Variants in GAD1 observed in about 807,000 individuals in gnomAD.
GAD1 encodes the protein glutamate decarboxylase 1.
A neutral mutation model predicts 75.2 loss-of-function variants in GAD1; 35 were observed. The ratio of observed to expected loss-of-function variants is 0.47; its 90% CI spans 0.36 to 0.62. GAD1 has a LOEUF of 0.62. Ranked by LOEUF, GAD1 falls within the 20% of genes least tolerant of loss-of-function variation. The pLI is 0.00. For synonymous variants in GAD1, 257 were observed against 271.9 expected (o/e 0.95, Z 0.54); for missense variants, 490 against 758.5 (o/e 0.65, Z 4.16).
chr2:170,834,780 T>C (rs1008112215), intron 5 of GAD1, among the ~76,000 whole-genome samples: 5 of 151,644 alleles, frequency 3.3e-5, no homozygotes, highest in African/African-American at 1.2e-4. Context: ...TTTTTTTTTT[T>C]TTGAGATGGA....
chr2:170,844,298 A>C, intron 7 of GAD1, 141 bp downstream of exon 7: 1 of 688,478 alleles, frequency 1.5e-6, no homozygotes, highest in East Asian at 2.7e-5. Context: ...AAGGCTAACA[A>C]AAATGCTACA....
Position 170,859,719 on chromosome 2 carries a change from A to G in GAD1, c.1622A>G (p.Lys541Arg), listed in dbSNP as rs1702920675. 2 of 1,614,076 alleles carry G rather than the reference A, an allele frequency of 1.2e-6. No individual in the cohort carries two copies. Among genetic ancestry groups the G allele is most frequent in the African/African-American group, 2.7e-5 (2 of 74,942 alleles). Residue 541 changes from lysine to arginine, a missense_variant, in exon 17 of 17, where the codon AAA becomes AGA. By Grantham distance (26) the Lys-to-Arg change is conservative. Coordinates refer to ENST00000358196, the MANE Select transcript of GAD1 (RefSeq NM_000817.3). ...GTTTTCCATCACAAGGTGGCTCCAA[A>G]AATCAAAGCCCTGATGATGGAGTCA... ...RREKLHKVAP[K>R]IKALMMESGT...
upstream of GAD1, chr2:170,813,358 A>C (rs1701643793): frequency 6.6e-6 from 1 of 152,216 alleles, no homozygotes; most frequent in Non-Finnish European, 1.5e-5. Context: ...GCTCCGACTT[A>C]AGCAGAATGA....
chr2:170,818,500 C>A lies in GAD1; in HGVS notation c.-63-29C>A. ...CGGTGTGCAGGACCCCGGAAGTCCT[C>A]CCCGCACAGCTCTCGCTTCTCTTTG... On this transcript the variant is annotated intron_variant, in intron 1 of 16. Coordinates refer to ENST00000358196, the MANE Select transcript of GAD1 (RefSeq NM_000817.3). The surrounding 1 kb of genome is among the most constrained non-coding windows in gnomAD (Gnocchi z 5.9). The A allele has an allele frequency of 1.6e-6, 2 of 1,230,254 alleles. No homozygotes were observed. The highest frequency in any genetic ancestry group is 1.2e-5 in the South Asian group (1 of 83,284). The allele number at this position is 1,230,254 out of a possible 1,614,324, so 76.2% of individuals were successfully genotyped here.
Position 170,818,559 on chromosome 2 carries a change from C to G in GAD1, c.-33C>G, listed in dbSNP as rs1330113687. ...TTCTGCGCCGGACCAGTCGAGGACTCTGGACAGTAGAGGCCCCGGGACGAC... is the reference window on the plus strand; with the variant it reads ...TTCTGCGCCGGACCAGTCGAGGACTGTGGACAGTAGAGGCCCCGGGACGAC... On this transcript the variant is annotated 5_prime_UTR_variant, in exon 2 of 17. Transcript: ENST00000358196. The surrounding 1 kb of genome is among the most constrained non-coding windows in gnomAD (Gnocchi z 5.9). The G allele has an allele frequency of 1.2e-6, 2 of 1,604,436 alleles. No homozygotes were observed. The highest frequency in any genetic ancestry group is 1.7e-6 in the Non-Finnish European group (2 of 1,171,112).
chr2:170,828,472 G>T (rs1453339595), intron 3 of GAD1, among the ~76,000 whole-genome samples: 1 of 72,054 alleles, frequency 1.4e-5, no homozygotes, highest in African/African-American at 5.5e-5. Context: ...TCCCTCTGCT[G>T]TCCTTGATCT....
chr2:170,847,560 A>G, intron 10 of GAD1, 116 bp from the exon 11 acceptor site: 2 of 791,848 alleles, frequency 2.5e-6, no homozygotes, highest in Non-Finnish European at 4.6e-6. Context: ...CTGGTAATAC[A>G]TAAGTTTTGC....
intron 6 of GAD1, among the ~76,000 whole-genome samples, chr2:170,843,619 C>CT (rs56763249): frequency 0.029 from 3,926 of 134,122 alleles, 161 homozygotes; most frequent in African/African-American, 0.09. Context: ...TGGCAGTCAG[C>CT]TTTTTTTTTT....
At chr2:170,815,093 C>G (rs879807785), upstream of GAD1, among the ~76,000 whole-genome samples, 3 of 152,126 alleles carry the variant, frequency 2.0e-5, no homozygotes, top group East Asian at 5.8e-4. Flanking sequence ...TTGGTGCGAG[C>G]GTCTCGTTTA....
intron 2 of GAD1, among the ~76,000 whole-genome samples, chr2:170,820,563 C>A (rs560852267): frequency 6.6e-6 from 1 of 152,338 alleles, no homozygotes; most frequent in East Asian, 1.9e-4. Flanking sequence ...TGGGAGGTGG[C>A]GTTAGTGCAG....
intron 3 of GAD1, among the ~76,000 whole-genome samples, chr2:170,827,150 G>C (rs1010532068): frequency 3.9e-5 from 6 of 152,142 alleles, no homozygotes; most frequent in Non-Finnish European, 8.8e-5. Context: ...TGGCTCCCTT[G>C]TGTGGGAGGA....
Position 170,853,293 on chromosome 2 carries a change from C to T in GAD1, c.1263+501C>T, listed in dbSNP as rs1182519283. On this transcript the variant is annotated intron_variant, in intron 13 of 16. Transcript: ENST00000358196. The surrounding 1 kb of genome is among the most constrained non-coding windows in gnomAD (Gnocchi z 4.1). The stretch of plus-strand genomic sequence containing the variant: ...TGGTTGAGCCTCATATTCCCTTCTT[C>T]ACATGCCTAATGTTAGGATCCTGCC... 3 of 208,840 alleles carry T rather than the reference C, an allele frequency of 1.4e-5. No individual in the cohort carries two copies. Among genetic ancestry groups the T allele is most frequent in the Non-Finnish European group, 2.9e-5 (3 of 102,494 alleles). 12.9% of individuals were successfully genotyped at this position (208,840 alleles called of 1,614,324 possible).
chr2:170,849,383 C>T (rs747024986), intron 12 of GAD1, 33 bp downstream of exon 12: 1 of 1,596,558 alleles, frequency 6.3e-7, no homozygotes, highest in Non-Finnish European at 8.6e-7. Flanking sequence ...CCTCCTTCCA[C>T]CCAGCACATC....
In GAD1 at chr2:170,853,787, C is replaced by G; in HGVS notation, c.1264-86C>G. Reference sequence around the variant, plus strand: ...AAGAAAGATTGCATATGACCCCAAGCCCCTCCTTCCAAGCAGCCTAGTTTT... The same window carrying G: ...AAGAAAGATTGCATATGACCCCAAGGCCCTCCTTCCAAGCAGCCTAGTTTT... On this transcript the variant is annotated intron_variant, in intron 13 of 16. Coordinates refer to ENST00000358196, the MANE Select transcript of GAD1 (RefSeq NM_000817.3). This position sits in a 1 kb window ranked among gnomAD's most constrained non-coding sequence, Gnocchi z 4.1. The G allele has an allele frequency of 7.5e-7, 1 of 1,339,190 alleles. No homozygotes were observed. Among genetic ancestry groups the G allele is most frequent in the Non-Finnish European group, 1.1e-6 (1 of 931,966 alleles). 83.0% of individuals were successfully genotyped at this position (1,339,190 alleles called of 1,614,324 possible). A position where few individuals can be genotyped will look rare whatever the true frequency, so the allele number is the denominator to read the frequency against.
In GAD1 at chr2:170,831,155, T is replaced by C. The variant is rs1454577923; in HGVS notation, c.510T>C (p.Val170=). Residue 170 remains valine (V), a synonymous_variant, in exon 5 of 17, where the codon GTT becomes GTC. Transcript: ENST00000358196. ...CCGAGTCCCTGGAGCAGATCCTGGT[T>C]GACTGCAGAGACACCTTGAAGTATG... ...DHPESLEQIL[V]DCRDTLKYGV... 6.2e-7 allele frequency: 1 copy of C among 1,614,144 alleles called. No homozygotes were observed. Among genetic ancestry groups the C allele is most frequent in the East Asian group, 2.2e-5 (1 of 44,880 alleles).
At chr2:170,834,603 A>C (rs1470008809) in intron 5 of GAD1, among the ~76,000 whole-genome samples, 1 of 152,144 alleles carries the variant, frequency 6.6e-6, no homozygotes, top group Non-Finnish European at 1.5e-5. Context: ...TCTTATGGAA[A>C]ATTTTAAACT....
chr2:170,857,097 A>C lies in GAD1; in HGVS notation c.1493A>C (p.Glu498Ala). 1 of 1,613,900 alleles carries C rather than the reference A, an allele frequency of 6.2e-7. No homozygotes were observed. The highest frequency in any genetic ancestry group is 8.5e-7 in the Non-Finnish European group (1 of 1,179,888). ...EYLYAKIKNR[E>A]EFEMVFNGEP... ...CTCTATGCCAAGATTAAAAACAGAGAAGAATTTGAGATGGTTTTCAATGGC... is the reference window on the plus strand; with the variant it reads ...CTCTATGCCAAGATTAAAAACAGAGCAGAATTTGAGATGGTTTTCAATGGC... The change falls in exon 15 of 17, where the codon GAA becomes GCA. Residue 498 changes from glutamate (E) to alanine (A), a missense_variant. Transcript: ENST00000358196.
rs868467245 is a variant in GAD1 at position 170,828,523 on chromosome 2, T to C, written c.146-952T>C. ...CTTGATCTCCTCCCTCTGCTGTCCT[T>C]GCTCTCCTCCCTCTGCTGTCCTCAC... On this transcript the variant is annotated intron_variant, in intron 3 of 16. Transcript: ENST00000358196. Among the ~76,000 whole-genome samples the C allele has an allele frequency of 4.4e-3, 306 of 69,956 alleles. 2 individuals are homozygous for C. Among genetic ancestry groups the C allele is most frequent in the African/African-American group, 0.014 (260 of 18,210 alleles). The allele number at this position is 69,956 out of a possible 152,430, so 45.9% of individuals were successfully genotyped here.
At chr2:170,826,429 G>T (rs539095488) in intron 3 of GAD1, among the ~76,000 whole-genome samples, 3 of 152,134 alleles carry the variant, frequency 2.0e-5, no homozygotes, top group Non-Finnish European at 4.4e-5. Flanking sequence ...TTAGCCAGAC[G>T]TGGTGGTAGG....
Sources: gnomAD v4.1 joint callset for allele counts (sites outside exome capture counted in the v4.1 genomes callset) on GRCh38, gnomAD v4.1.1 for gene constraint, Gnocchi (gnomAD v3.1) non-coding constraint, MANE v1.5 for transcripts, NCBI Gene and HGNC (gene_info 2026-07-23, HGNC 2026-07-21) for gene names.